Variants in CFAP46 observed in about 807,000 individuals in gnomAD.
CFAP46 encodes the protein cilia- and flagella-associated protein 46.
In CFAP46, 245 loss-of-function variants were observed where a neutral mutation model predicts 325.7. The observed-to-expected ratio is 0.75, with a 90% CI of 0.68 to 0.84. CFAP46 has a LOEUF of 0.84. Ranked by LOEUF, CFAP46 falls within the 40% of genes least tolerant of loss-of-function variation. The pLI, the probability that CFAP46 is intolerant of heterozygous loss-of-function variation, is 0.00. For missense variants in CFAP46, 3,346 were observed against 3,543.0 expected (o/e 0.94, Z 1.41); for synonymous variants, 1,523 against 1,495.9 (o/e 1.02, Z -0.42).
At position 132,885,871 on chromosome 10, in the gene CFAP46, G is replaced by A. The variant is rs982548510; in HGVS notation, c.3393C>T (p.Leu1131=). The A allele has an allele frequency of 1.9e-6, 3 of 1,550,234 alleles. No homozygotes were observed. The highest frequency in any genetic ancestry group is 2.6e-6 in the Non-Finnish European group (3 of 1,146,858). Residue 1131 remains leucine (L), a synonymous_variant, in exon 26 of 58, where the codon CTC becomes CTT. Transcript: ENST00000368586. ...CCTGCACAGCCTCGTCCAGCACCTT[G>A]AGGCCGCCCTCCCAGTCGTCCTGGT... is the stretch of plus-strand genomic sequence containing the variant. ...HADQDDWEGG[L]KVLDEAVQVL...
In CFAP46 at chr10:132,808,852, C is replaced by G. The variant is rs1847519948; in HGVS notation, c.7717G>C (p.Ala2573Pro). ...CCAAGTTGAGCGTGGTGGGAAGGAGCTCGGAGCTTTGGAGCAGCAGCAGCT... is the reference window on the plus strand; with the variant it reads ...CCAAGTTGAGCGTGGTGGGAAGGAGGTCGGAGCTTTGGAGCAGCAGCAGCT... ...GQAAAAPKLRAPSHHAQLGPV... is the reference protein window; with the variant it reads ...GQAAAAPKLRPPSHHAQLGPV... The change falls in exon 58 of 58, where the codon GCT becomes CCT. Residue 2573 changes from alanine (A) to proline (P), a missense_variant. Physicochemically the swap from Ala to Pro is conservative, Grantham distance 27. Coordinates refer to ENST00000368586, the MANE Select transcript of CFAP46 (RefSeq NM_001200049.3). The surrounding 1 kb of genome is among the most constrained non-coding windows in gnomAD (Gnocchi z 6.8). 6.2e-7 allele frequency: 1 copy of G among 1,602,252 alleles called. No individual in the cohort carries two copies. Among genetic ancestry groups the G allele is most frequent in the African/African-American group, 1.3e-5 (1 of 74,722 alleles).
rs1253029832 is a variant in CFAP46, at chr10:132,815,325, G to A, written c.7118-411C>T. 5.3e-5 allele frequency among the ~76,000 whole-genome samples: 8 copies of A among 152,186 alleles called. No homozygotes were observed. In the South Asian group the frequency reaches 1.2e-3, roughly 24 times the overall value. On this transcript the variant is annotated intron_variant, in intron 50 of 57. Coordinates refer to ENST00000368586, the MANE Select transcript of CFAP46 (RefSeq NM_001200049.3). ...GATAGTCATGTGCCTGGGAAGGATG[G>A]CCACTTCCCTCCTGTTTCTGCCCCC...
At chr10:132,851,686 C>T (rs1298740523) in intron 39 of CFAP46, among the ~76,000 whole-genome samples, 1 of 152,246 alleles carries the variant, frequency 6.6e-6, no homozygotes, top group Non-Finnish European at 1.5e-5. Flanking sequence ...CGGCTGCACG[C>T]ATGCTCCTTC....
chr10:132,821,700 TGTGTGCTGACGTGTGCTGTGTGCTGAC>T, intron 50 of CFAP46, among the ~76,000 whole-genome samples: 1 of 118,666 alleles, frequency 8.4e-6, no homozygotes, highest in Admixed American at 8.4e-5. Flanking sequence ...TGTGTGCTGA[TGTGTGCTGACGTGTGCTGTGTGCTGAC>T]GTGTGCTGTG....
At chr10:132,925,195 G>A (rs1263061125) in intron 10 of CFAP46, among the ~76,000 whole-genome samples, 1 of 152,210 alleles carries the variant, frequency 6.6e-6, no homozygotes, top group Non-Finnish European at 1.5e-5. Context: ...GCCTGTGCTC[G>A]CTACGCTTCC....
intron 25 of CFAP46, among the ~76,000 whole-genome samples, chr10:132,890,901 G>T (rs1304307483): frequency 1.3e-5 from 2 of 152,150 alleles, no homozygotes; most frequent in Admixed American, 1.3e-4. Flanking sequence ...CTCAAGGTAG[G>T]TTCCACTTTT....
intron 29 of CFAP46, 80 bp from the exon 30 acceptor site, chr10:132,878,167 G>T: frequency 7.4e-7 from 1 of 1,349,804 alleles, no homozygotes; most frequent in South Asian, 1.3e-5. Flanking sequence ...TCCTGGATGA[G>T]GGACGCTCAG....
chr10:132,863,804 C>A (rs540582050), intron 35 of CFAP46, among the ~76,000 whole-genome samples: 4 of 146,240 alleles, frequency 2.7e-5, no homozygotes. Context: ...CTGCCTGAGA[C>A]CTGCACGCAC....
Position 132,808,914 on chromosome 10 carries a change from A to G in CFAP46, c.7665-10T>C. The G allele has an allele frequency of 6.4e-7, 1 of 1,566,742 alleles. No individual in the cohort carries two copies. The highest frequency in any genetic ancestry group is 8.7e-7 in the Non-Finnish European group (1 of 1,151,290). ...GTCTGAGAAGCCTCGTCTGTGGAGA[A>G]AGGGGCGGGAGCTATGAACCCCGAG... On this transcript the variant is annotated splice_polypyrimidine_tract_variant and intron_variant, in intron 57 of 57. Coordinates refer to ENST00000368586, the MANE Select transcript of CFAP46 (RefSeq NM_001200049.3). The surrounding 1 kb of genome is among the most constrained non-coding windows in gnomAD (Gnocchi z 6.8).
At position 132,862,288 on chromosome 10, in the gene CFAP46, C is replaced by A. The variant is rs575348201; in HGVS notation, c.4891-1306G>T. ...GGCAAGGGTCCAACGGGGCCGGGCC[C>A]CTGCGGGGCTTGTTGAGGGCAGCTA... On this transcript the variant is annotated intron_variant, in intron 35 of 57. Transcript: ENST00000368586. Among the ~76,000 whole-genome samples, 4 of 152,288 alleles carry A rather than the reference C, an allele frequency of 2.6e-5. No homozygotes were observed. In the East Asian group the frequency reaches 7.7e-4, roughly 30 times the overall value.
chr10:132,820,932 T>A (rs1306683427), intron 50 of CFAP46, among the ~76,000 whole-genome samples: 1 of 113,744 alleles, frequency 8.8e-6, no homozygotes. Flanking sequence ...GTGCTGTGTG[T>A]GCGCTGATGT....
intron 44 of CFAP46, among the ~76,000 whole-genome samples, chr10:132,841,785 A>G (rs957301307): frequency 3.3e-5 from 5 of 152,194 alleles, no homozygotes; most frequent in African/African-American, 1.2e-4. Context: ...GCCGCCATGG[A>G]GAGCTGCACT....
intron 57 of CFAP46, among the ~76,000 whole-genome samples, chr10:132,810,090 G>A (rs190328973): frequency 7.2e-5 from 11 of 152,296 alleles, no homozygotes; most frequent in South Asian, 2.1e-4. Flanking sequence ...CCCTGGGCTC[G>A]TGGGGATTGT....
At position 132,817,053 on chromosome 10, in the gene CFAP46, C is replaced by G. The variant is rs1847709025; in HGVS notation, c.7118-2139G>C. Among the ~76,000 whole-genome samples the G allele has an allele frequency of 6.6e-6, 1 of 152,224 alleles. No homozygotes were observed. Among genetic ancestry groups the G allele is most frequent in the South Asian group, 2.1e-4 (1 of 4,834 alleles). ...TTGTTAATTATGTCGCCCTGAATCT[C>G]TCTCTTTTTGCTCTTTGTCTGGACC... On this transcript the variant is annotated intron_variant, in intron 50 of 57. Coordinates refer to ENST00000368586, the MANE Select transcript of CFAP46 (RefSeq NM_001200049.3). This position sits in a 1 kb window ranked among gnomAD's most constrained non-coding sequence, Gnocchi z 4.4.
intron 55 of CFAP46, among the ~76,000 whole-genome samples, chr10:132,812,296 G>T (rs1401923686): frequency 1.3e-5 from 2 of 152,238 alleles, no homozygotes; most frequent in Non-Finnish European, 2.9e-5. Flanking sequence ...GCTGGAGCTG[G>T]CTGGGGTGTC....
At chr10:132,910,708 C>T (rs777092620) in intron 19 of CFAP46, among the ~76,000 whole-genome samples, 4 of 152,208 alleles carry the variant, frequency 2.6e-5, no homozygotes, top group Admixed American at 6.5e-5. Flanking sequence ...TCCCATCTCT[C>T]GCTGCCTTGT....
chr10:132,817,950 C>G lies in CFAP46; in HGVS notation c.7118-3036G>C, dbSNP rs996556333. Among the ~76,000 whole-genome samples, 3 of 152,204 alleles carry G rather than the reference C, an allele frequency of 2.0e-5. No homozygotes were observed. Among genetic ancestry groups the G allele is most frequent in the African/African-American group, 4.8e-5 (2 of 41,456 alleles). ...TGGCCACGCCCTCCATCCTCACCGTCGGCAGCGCAGCCCCCAGGCTCCTTC... is the reference window on the plus strand; with the variant it reads ...TGGCCACGCCCTCCATCCTCACCGTGGGCAGCGCAGCCCCCAGGCTCCTTC... On this transcript the variant is annotated intron_variant, in intron 50 of 57. Coordinates refer to ENST00000368586, the MANE Select transcript of CFAP46 (RefSeq NM_001200049.3). The surrounding 1 kb of genome is among the most constrained non-coding windows in gnomAD (Gnocchi z 4.4).
rs1413484923 is a variant in CFAP46, at chr10:132,899,585, G to A, written c.3006C>T (p.Gly1002=). The A allele has an allele frequency of 1.3e-6, 2 of 1,549,884 alleles. No homozygotes were observed. Among genetic ancestry groups the A allele is most frequent in the African/African-American group, 1.4e-5 (1 of 73,166 alleles). Residue 1002 remains glycine (G), a synonymous_variant, in exon 23 of 58, where the codon GGC becomes GGT. Transcript: ENST00000368586. ...CTGCCACCAGTCGCAGCTGCTTCCG[G>A]CCCTTCAGGTTTTCCATGATGCTCC... ...QGRSIMENLK[G]RKQLRLVAAK... is the part of the protein sequence containing the mutation.
At chr10:132,812,663 G>A in intron 55 of CFAP46, 122 bp downstream of exon 55, 1 of 675,616 alleles carries the variant, frequency 1.5e-6, no homozygotes, top group Non-Finnish European at 2.6e-6. Flanking sequence ...GTGGGGGGCA[G>A]GAGGGGGCTG....
Sources: allele counts gnomAD v4.1 joint callset (sites outside exome capture counted in the v4.1 genomes callset), GRCh38; gene constraint gnomAD v4.1.1; non-coding constraint Gnocchi (gnomAD v3.1); transcripts MANE v1.5; gene names NCBI Gene and HGNC (gene_info 2026-07-23, HGNC 2026-07-21).